SLC24A2: variants seen among roughly 807,000 people sequenced by gnomAD.
The protein encoded by SLC24A2 is solute carrier family 24 member 2, also known as sodium/potassium/calcium exchanger 2.
In SLC24A2, 36 loss-of-function variants were observed where a neutral mutation model predicts 62.0. That is an observed-to-expected ratio of 0.58 (90% CI 0.44 to 0.77). The LOEUF (loss-of-function observed/expected upper bound fraction) is 0.77. Ranked by LOEUF, SLC24A2 falls within the 30% of genes least tolerant of loss-of-function variation. The probability of loss-of-function intolerance (pLI) is 0.00; values close to 1 mark genes in which losing one functional copy is unlikely to be tolerated. For synonymous variants in SLC24A2, 358 were observed against 294.0 expected (o/e 1.22, Z -2.23); for missense variants, 846 against 817.9 (o/e 1.03, Z -0.42).
intron 7 of SLC24A2, among the ~76,000 whole-genome samples, chr9:19,569,114 G>C (rs906076706): frequency 3.9e-5 from 6 of 152,060 alleles, no homozygotes; most frequent in South Asian, 4.2e-4. Context: ...ACTAAGGATG[G>C]GCAAACGTTT....
the SLC24A2 span, among the ~76,000 whole-genome samples, chr9:20,181,262 AAAAAT>A: frequency 1.3e-5 from 2 of 152,168 alleles, no homozygotes; most frequent in African/African-American, 2.4e-5. Context: ...AAAAAAAAGA[AAAAAT>A]AAAGCCTATA....
chr9:19,528,230 T>G, intron 8 of SLC24A2, 92 bp from the exon 9 acceptor site: 1 of 836,230 alleles, frequency 1.2e-6, no homozygotes. Flanking sequence ...TGTAGCAATT[T>G]CTCTAGCATT....
At chr9:20,006,487 C>G in the SLC24A2 span, among the ~76,000 whole-genome samples, 1 of 151,616 alleles carries the variant, frequency 6.6e-6, no homozygotes, top group African/African-American at 2.4e-5. Flanking sequence ...GTTTGTAACA[C>G]AAAAAAGGAT....
At chr9:20,043,064 G>A in the SLC24A2 span, among the ~76,000 whole-genome samples, 1 of 152,142 alleles carries the variant, frequency 6.6e-6, no homozygotes, top group Admixed American at 6.5e-5. Flanking sequence ...AGGTGTTCAG[G>A]TGAAAGAAAG....
chr9:19,865,206 A>G, the SLC24A2 span, among the ~76,000 whole-genome samples: 1 of 152,172 alleles, frequency 6.6e-6, no homozygotes, highest in African/African-American at 2.4e-5. Flanking sequence ...ATGGAAAGGT[A>G]TTCCATGTTC....
At chr9:20,161,757 T>TACACACACACAC in the SLC24A2 span, among the ~76,000 whole-genome samples, 177 of 147,342 alleles carry the variant, frequency 1.2e-3, no homozygotes, top group African/African-American at 3.8e-3. Context: ...AACATGAAGA[T>TACACACACACAC]ACACACACAC....
At chr9:19,568,446 T>C (rs966602618) in intron 7 of SLC24A2, among the ~76,000 whole-genome samples, 2 of 152,256 alleles carry the variant, frequency 1.3e-5, no homozygotes, top group Admixed American at 1.3e-4. Flanking sequence ...ATCTGGGCTA[T>C]TCAATAGCCA....
the SLC24A2 span, among the ~76,000 whole-genome samples, chr9:19,925,732 G>A: frequency 6.6e-6 from 1 of 152,224 alleles, no homozygotes; most frequent in African/African-American, 2.4e-5. Flanking sequence ...CAAGGGATCT[G>A]ATGTGACAGG....
chr9:19,761,324 G>C (rs986339000), intron 2 of SLC24A2, among the ~76,000 whole-genome samples: 12 of 152,034 alleles, frequency 7.9e-5, no homozygotes, highest in African/African-American at 2.9e-4. Context: ...AGCATCTGTT[G>C]TTTCCTGACT....
intron 10 of SLC24A2, 137 bp downstream of exon 10, chr9:19,520,757 G>A (rs1833157598): frequency 1.2e-6 from 1 of 800,022 alleles, no homozygotes; most frequent in African/African-American, 1.7e-5. Context: ...GAAATGCAAT[G>A]GTATTCTCAA....
the SLC24A2 span, among the ~76,000 whole-genome samples, chr9:20,121,065 A>G: frequency 6.8e-6 from 1 of 147,568 alleles, no homozygotes; most frequent in Non-Finnish European, 1.5e-5. Context: ...CTCCTCCCCA[A>G]CTTTGTTGTT....
At chr9:20,285,668 G>A in the SLC24A2 span, among the ~76,000 whole-genome samples, 2 of 152,152 alleles carry the variant, frequency 1.3e-5, no homozygotes, top group African/African-American at 4.8e-5. Flanking sequence ...AATGTACCCA[G>A]AATGTTTGAC....
chr9:19,744,354 T>G (rs968045922), intron 2 of SLC24A2, among the ~76,000 whole-genome samples: 2 of 152,188 alleles, frequency 1.3e-5, no homozygotes, highest in Non-Finnish European at 2.9e-5. Context: ...TCTTCCTCTT[T>G]CTGGTCCTTG....
At chr9:19,949,435 A>G in the SLC24A2 span, among the ~76,000 whole-genome samples, 2 of 152,254 alleles carry the variant, frequency 1.3e-5, no homozygotes, top group East Asian at 3.8e-4. Context: ...CATACTAACA[A>G]GAAATACATA....
At position 19,709,695 on chromosome 9, in the gene SLC24A2, G is replaced by A. The variant is rs576796394; in HGVS notation, c.930+76242C>T. On this transcript the variant is annotated intron_variant, in intron 2 of 10. Transcript: ENST00000341998. ...CCGCATGTTCTCACTCATAGGTGCT[G>A]AACAATGAGAACACATGGACACAGG... Among the ~76,000 whole-genome samples the A allele has an allele frequency of 6.7e-4, 94 of 140,208 alleles. 1 individual carries two copies. Among genetic ancestry groups the A allele is most frequent in the African/African-American group, 2.1e-3 (80 of 37,790 alleles). 92.0% of individuals were successfully genotyped at this position (140,208 alleles called of 152,430 possible). A position where few individuals can be genotyped will look rare whatever the true frequency, so the allele number is the denominator to read the frequency against.
intron 7 of SLC24A2, among the ~76,000 whole-genome samples, chr9:19,560,601 T>G (rs1284340512): frequency 3.3e-5 from 5 of 151,638 alleles, no homozygotes; most frequent in Non-Finnish European, 7.4e-5. Context: ...AACCTTGATC[T>G]TGGACTTCCA....
chr9:20,174,532 T>C, the SLC24A2 span, among the ~76,000 whole-genome samples: 1 of 149,778 alleles, frequency 6.7e-6, no homozygotes, highest in African/African-American at 2.4e-5. Context: ...CATCAAAAAG[T>C]GGGCTAAGGA....
chr9:20,109,381 C>T, the SLC24A2 span, among the ~76,000 whole-genome samples: 1 of 152,188 alleles, frequency 6.6e-6, no homozygotes, highest in African/African-American at 2.4e-5. Flanking sequence ...ACTTGAATTT[C>T]AGGAATGTTT....
the SLC24A2 span, among the ~76,000 whole-genome samples, chr9:19,974,506 C>T: frequency 6.6e-6 from 1 of 152,144 alleles, no homozygotes; most frequent in Non-Finnish European, 1.5e-5. Flanking sequence ...TTTCAATATT[C>T]TTTCCTGAGC....
Sources: gnomAD v4.1 joint callset for allele counts (sites outside exome capture counted in the v4.1 genomes callset) on GRCh38, gnomAD v4.1.1 for gene constraint, MANE v1.5 for transcripts, NCBI Gene and HGNC (gene_info 2026-07-23, HGNC 2026-07-21) for gene names.